Variants in FMN2 observed in about 807,000 individuals in gnomAD.
FMN2 encodes the protein formin-2.
Under a neutral mutation model 142.3 loss-of-function variants are expected in FMN2, and 51 were observed. That is an observed-to-expected ratio of 0.36 (90% CI 0.29 to 0.45). The LOEUF (loss-of-function observed/expected upper bound fraction) is 0.45. Ranked by LOEUF, FMN2 falls within the 20% of genes least tolerant of loss-of-function variation. FMN2 has a pLI of 1.00. For synonymous variants in FMN2, 882 were observed against 869.8 expected, an observed-to-expected ratio of 1.01 and a Z score of -0.25; for missense variants, 1,936 against 2,122.8, an observed-to-expected ratio of 0.91 and a Z score of 1.73.
At chr1:240,454,757 A>C (rs1182035095) in intron 16 of FMN2, among the ~76,000 whole-genome samples, 2 of 152,300 alleles carry the variant, frequency 1.3e-5, no homozygotes, top group South Asian at 4.1e-4. Context: ...GGCTGGGAGC[A>C]TTGAAAATAG....
At chr1:240,223,622 T>A (rs1667198656) in intron 6 of FMN2, among the ~76,000 whole-genome samples, 1 of 152,152 alleles carries the variant, frequency 6.6e-6, no homozygotes, top group African/African-American at 2.4e-5. Context: ...CCTGGGCTTT[T>A]TTTGGTTGGT....
chr1:240,160,976 C>A (rs930612337), intron 2 of FMN2, among the ~76,000 whole-genome samples: 2 of 152,096 alleles, frequency 1.3e-5, no homozygotes, highest in East Asian at 3.9e-4. Context: ...ACATTTAAGA[C>A]AGTATTAAAA....
intron 8 of FMN2, among the ~76,000 whole-genome samples, chr1:240,318,402 CT>C (rs1411092688): frequency 6.6e-6 from 1 of 151,896 alleles, no homozygotes; most frequent in Admixed American, 6.6e-5. Context: ...ACTGGCTTTT[CT>C]TTTTCTTTTT....
At chr1:240,329,757 G>A (rs1381248682) in intron 10 of FMN2, among the ~76,000 whole-genome samples, 1 of 151,786 alleles carries the variant, frequency 6.6e-6, no homozygotes, top group Non-Finnish European at 1.5e-5. Flanking sequence ...CAGTTTTCAC[G>A]GTCCTCTCAG....
At chr1:240,158,316 A>C (rs1304548604) in intron 2 of FMN2, among the ~76,000 whole-genome samples, 1 of 152,108 alleles carries the variant, frequency 6.6e-6, no homozygotes, top group Admixed American at 6.6e-5. Flanking sequence ...AGGTAGGAGA[A>C]CCTTTCTGTC....
chr1:240,237,502 T>C (rs188364026), intron 6 of FMN2, among the ~76,000 whole-genome samples: 2 of 152,316 alleles, frequency 1.3e-5, no homozygotes, highest in Admixed American at 6.5e-5. Flanking sequence ...ATCTTTCCCT[T>C]CTCTGGATTT....
intron 14 of FMN2, among the ~76,000 whole-genome samples, chr1:240,375,827 T>C (rs1049005686): frequency 6.6e-6 from 1 of 152,224 alleles, no homozygotes; most frequent in South Asian, 2.1e-4. Context: ...GTTTAATATG[T>C]CTTTACTGAT....
chr1:240,140,259 C>T (rs1663124375), intron 2 of FMN2, among the ~76,000 whole-genome samples: 1 of 152,118 alleles, frequency 6.6e-6, no homozygotes, highest in South Asian at 2.1e-4. Context: ...ACACATTAAG[C>T]TTTCTATGTA....
chr1:240,411,161 C>T (rs1313291287), intron 15 of FMN2, among the ~76,000 whole-genome samples: 3 of 152,298 alleles, frequency 2.0e-5, no homozygotes, highest in African/African-American at 7.2e-5. Flanking sequence ...AAACACTTCC[C>T]TCACACTTAT....
In FMN2 at chr1:240,360,525, C is replaced by T. The variant is rs79039099; in HGVS notation, c.4858+4617C>T. Among the ~76,000 whole-genome samples, 407 of 152,258 alleles carry T rather than the reference C, an allele frequency of 2.7e-3. 2 individuals are homozygous for T. The highest frequency in any genetic ancestry group is 9.2e-3 in the African/African-American group (384 of 41,554). On this transcript the variant is annotated intron_variant, in intron 14 of 17. Transcript: ENST00000319653. Reference sequence around the variant, plus strand: ...TACGTTTTCCTTCTGGGCTTGATTCCTTCAACAGCACTCAGATGTACTCTA... The same window carrying T: ...TACGTTTTCCTTCTGGGCTTGATTCTTTCAACAGCACTCAGATGTACTCTA...
At chr1:240,142,506 G>T (rs78445826) in intron 2 of FMN2, among the ~76,000 whole-genome samples, 32,821 of 82,592 alleles carry the variant, frequency 0.4, 3,661 homozygotes, top group Middle Eastern at 0.46. Flanking sequence ...TATATTTTTT[G>T]GGGGGGGATA....
In FMN2 at chr1:240,402,662, C is replaced by T. The variant is rs867187393; in HGVS notation, c.4910+10100C>T. On this transcript the variant is annotated intron_variant, in intron 15 of 17. Coordinates refer to ENST00000319653, the MANE Select transcript of FMN2 (RefSeq NM_020066.5). ...CTATTTTATTTTTAATTAGCATACA[C>T]GGCTTTCTTCAATTATGGAAAAGTA... 1.3e-5 allele frequency among the ~76,000 whole-genome samples: 2 copies of T among 152,326 alleles called. 1 individual carries two copies. The highest frequency in any genetic ancestry group is 6.8e-3 in the Middle Eastern group (2 of 294).
intron 3 of FMN2, among the ~76,000 whole-genome samples, chr1:240,183,602 C>A (rs1572031031): frequency 6.6e-6 from 1 of 151,340 alleles, no homozygotes; most frequent in South Asian, 2.1e-4. Context: ...ATAAAATTGG[C>A]CTTGATTTTC....
At chr1:240,433,066 T>A (rs940419933) in intron 15 of FMN2, among the ~76,000 whole-genome samples, 1 of 152,332 alleles carries the variant, frequency 6.6e-6, no homozygotes, top group African/African-American at 2.4e-5. Flanking sequence ...TGTTAAAATA[T>A]CCAATTCGAT....
intron 4 of FMN2, among the ~76,000 whole-genome samples, chr1:240,201,666 T>C (rs1666126286): frequency 6.6e-6 from 1 of 152,226 alleles, no homozygotes; most frequent in Non-Finnish European, 1.5e-5. Context: ...CTTTCCATTA[T>C]GATAAAAATT....
intron 2 of FMN2, among the ~76,000 whole-genome samples, chr1:240,165,200 G>A (rs1413196927): frequency 6.6e-6 from 1 of 151,994 alleles, no homozygotes; most frequent in Non-Finnish European, 1.5e-5. Flanking sequence ...ATTTAAATCA[G>A]GGTCTCATGT....
chr1:240,167,864 G>A (rs1664542359), intron 2 of FMN2, among the ~76,000 whole-genome samples: 3 of 152,026 alleles, frequency 2.0e-5, no homozygotes, highest in Admixed American at 2.0e-4. Context: ...ATCGCTTGAG[G>A]TCAGGAGTTC....
At chr1:240,393,408 T>C (rs73128214) in intron 15 of FMN2, among the ~76,000 whole-genome samples, 19,616 of 152,186 alleles carry the variant, frequency 0.13, 1,288 homozygotes, top group Non-Finnish European at 0.14. Context: ...CCATATAAGA[T>C]GGCAAACGTA....
At chr1:240,428,351 C>T (rs1675029800) in intron 15 of FMN2, among the ~76,000 whole-genome samples, 1 of 151,922 alleles carries the variant, frequency 6.6e-6, no homozygotes, top group Admixed American at 6.6e-5. Flanking sequence ...CCCACCCCAC[C>T]CTCCCAAGTA....
Sources: allele counts gnomAD v4.1 joint callset (sites outside exome capture counted in the v4.1 genomes callset), GRCh38; gene constraint gnomAD v4.1.1; transcripts MANE v1.5; gene names NCBI Gene and HGNC (gene_info 2026-07-23, HGNC 2026-07-21).